The following SRBD1 variants were observed in gnomAD, a reference collection of about 807,000 sequenced individuals.
SRBD1 encodes S1 RNA binding domain 1.
In SRBD1, 88 loss-of-function variants were observed where a neutral mutation model predicts 115.3. That is an observed-to-expected ratio of 0.76 (90% CI 0.64 to 0.91). SRBD1 has a LOEUF of 0.91. Among genes scored for constraint, SRBD1 ranks in the 40% least tolerant of loss-of-function variants. The pLI, the probability that SRBD1 is intolerant of heterozygous loss-of-function variation, is 0.00. For synonymous variants in SRBD1, 509 were observed against 407.7 expected (o/e 1.25, Z -2.99); for missense variants, 1,385 against 1,177.4 (o/e 1.18, Z -2.58).
intron 16 of SRBD1, among the ~76,000 whole-genome samples, chr2:45,444,854 G>A (rs947013722): frequency 6.6e-6 from 1 of 152,196 alleles, no homozygotes; most frequent in Non-Finnish European, 1.5e-5. Flanking sequence ...ACCACTCAAC[G>A]TTCATTCAGC....
intron 4 of SRBD1, among the ~76,000 whole-genome samples, chr2:45,587,636 A>C (rs1673589507): frequency 6.6e-6 from 1 of 152,202 alleles, no homozygotes; most frequent in African/African-American, 2.4e-5. Context: ...ACTACATATG[A>C]AATAAATGGC....
intron 13 of SRBD1, among the ~76,000 whole-genome samples, 176 bp from the exon 14 acceptor site, chr2:45,547,015 C>T (rs1425354343): frequency 6.6e-6 from 1 of 152,192 alleles, no homozygotes; most frequent in African/African-American, 2.4e-5. Context: ...ATAAAAGACA[C>T]TGCCCTGCAT....
chr2:45,564,677 T>C lies in SRBD1; in HGVS notation c.1306-1921A>G, dbSNP rs115332479. Among the ~76,000 whole-genome samples the C allele has an allele frequency of 2.6e-3, 390 of 152,272 alleles. 2 individuals carry two copies. The highest frequency in any genetic ancestry group is 3.9e-3 in the Admixed American group (60 of 15,300). ...AGGAATAAAATACTTAGGAATAAAT[T>C]TAACAAAAAAAGTTCACAACTTACA... On this transcript the variant is annotated intron_variant, in intron 9 of 20. Coordinates refer to ENST00000263736, the MANE Select transcript of SRBD1 (RefSeq NM_018079.5).
rs1420213951 is a variant in SRBD1 at position 45,430,354 on chromosome 2, G to C, written c.2050-10460C>G. Among the ~76,000 whole-genome samples, 5 of 152,052 alleles carry C rather than the reference G, an allele frequency of 3.3e-5. No individual in the cohort carries two copies. The South Asian group carries it at 6.2e-4, about 19-fold the overall frequency. ...TGGCCAAAATAATCCTAAGCAAAAA[G>C]AACAAAGCTGGAGGCATCACGCTAC... On this transcript the variant is annotated intron_variant, in intron 16 of 20. Coordinates refer to ENST00000263736, the MANE Select transcript of SRBD1 (RefSeq NM_018079.5).
intron 14 of SRBD1, among the ~76,000 whole-genome samples, chr2:45,515,247 A>AG (rs1671084273): frequency 6.6e-6 from 1 of 152,162 alleles, no homozygotes; most frequent in Non-Finnish European, 1.5e-5. Flanking sequence ...CTACATGTGT[A>AG]TTAATTTCTT....
intron 14 of SRBD1, among the ~76,000 whole-genome samples, chr2:45,513,592 C>T (rs529642359): frequency 1.3e-5 from 2 of 152,110 alleles, no homozygotes; most frequent in South Asian, 2.1e-4. Context: ...AGTTTAGGAC[C>T]TATAAAGAAC....
chr2:45,429,596 C>T (rs758258268), intron 16 of SRBD1, among the ~76,000 whole-genome samples: 1 of 152,136 alleles, frequency 6.6e-6, no homozygotes, highest in Admixed American at 6.5e-5. Flanking sequence ...ATTCAACACC[C>T]CTTCATGCTA....
intron 4 of SRBD1, among the ~76,000 whole-genome samples, chr2:45,587,208 T>G (rs1236125951): frequency 1.6e-4 from 24 of 145,976 alleles, no homozygotes; most frequent in Admixed American, 1.2e-3. Flanking sequence ...TTTAATTATT[T>G]TAAAATATTA....
intron 18 of SRBD1, among the ~76,000 whole-genome samples, chr2:45,417,959 G>T (rs1013951856): frequency 3.3e-5 from 5 of 152,146 alleles, no homozygotes; most frequent in South Asian, 4.1e-4. Flanking sequence ...ACTTTGCCTG[G>T]AATGCTCTCT....
chr2:45,598,776 C>G (rs1180250632), intron 4 of SRBD1, among the ~76,000 whole-genome samples: 2 of 151,896 alleles, frequency 1.3e-5, no homozygotes, highest in African/African-American at 4.8e-5. Flanking sequence ...ACAATAGAAT[C>G]ACATGGGACA....
At chr2:45,522,874 A>G (rs986715971) in intron 14 of SRBD1, among the ~76,000 whole-genome samples, 3 of 152,238 alleles carry the variant, frequency 2.0e-5, no homozygotes, top group African/African-American at 7.2e-5. Context: ...TATGTTATCA[A>G]TAATGCTTCC....
At chr2:45,558,436 C>G (rs756115895) in intron 10 of SRBD1, among the ~76,000 whole-genome samples, 1 of 152,058 alleles carries the variant, frequency 6.6e-6, no homozygotes. Flanking sequence ...CTTAGAAATC[C>G]TCTTCATACT....
chr2:45,436,111 T>C (rs1032803110), intron 16 of SRBD1, among the ~76,000 whole-genome samples: 1 of 151,220 alleles, frequency 6.6e-6, no homozygotes, highest in Non-Finnish European at 1.5e-5. Context: ...ATTCAAAAAA[T>C]CAATTAATGG....
chr2:45,453,527 C>G (rs1251662910), intron 16 of SRBD1, among the ~76,000 whole-genome samples: 1 of 151,752 alleles, frequency 6.6e-6, no homozygotes, highest in Non-Finnish European at 1.5e-5. Context: ...GAAGAAATCA[C>G]TAAATTTAAC....
chr2:45,443,287 G>A (rs1442144027), intron 16 of SRBD1, among the ~76,000 whole-genome samples: 1 of 152,084 alleles, frequency 6.6e-6, no homozygotes, highest in African/African-American at 2.4e-5. Flanking sequence ...AGAAGCAGAT[G>A]GAGTTAATAG....
At chr2:45,406,436 G>C (rs1011079825) in intron 19 of SRBD1, among the ~76,000 whole-genome samples, 1 of 152,294 alleles carries the variant, frequency 6.6e-6, no homozygotes, top group South Asian at 2.1e-4. Context: ...TGTGGCAACA[G>C]TGTAGAGCAA....
chr2:45,493,831 A>C (rs577729520), intron 14 of SRBD1, among the ~76,000 whole-genome samples: 1 of 152,084 alleles, frequency 6.6e-6, no homozygotes, highest in South Asian at 2.1e-4. Context: ...AAAAAATAAA[A>C]TAAATTAGGT....
intron 5 of SRBD1, among the ~76,000 whole-genome samples, chr2:45,585,201 C>G (rs938024949): frequency 6.6e-6 from 1 of 151,948 alleles, no homozygotes; most frequent in African/African-American, 2.4e-5. Flanking sequence ...CTACCAAACT[C>G]TATACTGCCA....
intron 4 of SRBD1, among the ~76,000 whole-genome samples, chr2:45,589,347 C>T (rs1673642322): frequency 6.6e-6 from 1 of 152,074 alleles, no homozygotes; most frequent in African/African-American, 2.4e-5. Flanking sequence ...CAGCATGTGC[C>T]AGGCAATAAG....
Sources: allele counts gnomAD v4.1 joint callset (sites outside exome capture counted in the v4.1 genomes callset), GRCh38; gene constraint gnomAD v4.1.1; transcripts MANE v1.5; gene names NCBI Gene and HGNC (gene_info 2026-07-23, HGNC 2026-07-21).